Variants in SPOCK3 observed in about 807,000 individuals in gnomAD.
SPOCK3 encodes the protein testican-3.
A neutral mutation model predicts 56.6 loss-of-function variants in SPOCK3; 30 were observed. That is an observed-to-expected ratio of 0.53 (90% CI 0.40 to 0.72). The LOEUF is 0.72. SPOCK3 is among the 30% of genes least tolerant of loss of function. SPOCK3 has a pLI of 0.00. For missense variants in SPOCK3, 527 were observed against 530.0 expected, an observed-to-expected ratio of 0.99 and a Z score of 0.06; for synonymous variants, 196 against 183.3, an observed-to-expected ratio of 1.07 and a Z score of -0.56.
chr4:166,978,551 AAATT>A (rs1189359240), intron 4 of SPOCK3, among the ~76,000 whole-genome samples: 1 of 152,196 alleles, frequency 6.6e-6, no homozygotes, highest in East Asian at 1.9e-4. Flanking sequence ...AAAAGGAAGG[AAATT>A]AACATTTATT....
At chr4:166,879,336 C>G (rs987508073) in intron 6 of SPOCK3, among the ~76,000 whole-genome samples, 1 of 151,964 alleles carries the variant, frequency 6.6e-6, no homozygotes, top group Non-Finnish European at 1.5e-5. Flanking sequence ...AGAAACCAGC[C>G]TGAGCAACAT....
At chr4:167,058,224 A>C (rs892441130) in intron 3 of SPOCK3, among the ~76,000 whole-genome samples, 1 of 152,210 alleles carries the variant, frequency 6.6e-6, no homozygotes, top group Non-Finnish European at 1.5e-5. Flanking sequence ...CTGTTTGCAG[A>C]TGACATGATT....
chr4:166,952,283 C>A (rs1467323796), intron 4 of SPOCK3, among the ~76,000 whole-genome samples: 1 of 152,084 alleles, frequency 6.6e-6, no homozygotes, highest in Non-Finnish European at 1.5e-5. Context: ...TTCTTATACA[C>A]CAATAACAGA....
intron 4 of SPOCK3, among the ~76,000 whole-genome samples, chr4:166,925,050 GATAT>G (rs1054973340): frequency 2.6e-5 from 4 of 152,068 alleles, no homozygotes; most frequent in Admixed American, 6.6e-5. Context: ...AATGTCAGTG[GATAT>G]ATAGAGAGAT....
intron 6 of SPOCK3, among the ~76,000 whole-genome samples, chr4:166,799,476 G>C (rs75253558): frequency 6.6e-6 from 1 of 152,126 alleles, no homozygotes; most frequent in South Asian, 2.1e-4. Flanking sequence ...AAGATACTGA[G>C]GCTACTCTGG....
At chr4:166,896,640 C>T (rs1735416390) in intron 5 of SPOCK3, among the ~76,000 whole-genome samples, 1 of 152,154 alleles carries the variant, frequency 6.6e-6, no homozygotes, top group Non-Finnish European at 1.5e-5. Context: ...GAAGACTGCA[C>T]ATGAGACTGC....
At chr4:166,921,323 A>ATTTTTTTT (rs746455090) in intron 4 of SPOCK3, among the ~76,000 whole-genome samples, 1 of 138,228 alleles carries the variant, frequency 7.2e-6, no homozygotes, top group Non-Finnish European at 1.6e-5. Flanking sequence ...CATGTGTTGA[A>ATTTTTTTT]TTTTTTTTTT....
At chr4:167,109,065 T>TATACTTATATAAAAATATATATAAA (rs1328710834) in intron 2 of SPOCK3, among the ~76,000 whole-genome samples, 1,332 of 1,796 alleles carry the variant, frequency 0.74, 546 homozygotes, top group Middle Eastern at 1. Flanking sequence ...TATATAAATA[T>TATACTTATATAAAAATATATATAAA]TATATATTTA....
At chr4:166,886,421 A>C (rs1734206893) in intron 6 of SPOCK3, among the ~76,000 whole-genome samples, 2 of 152,142 alleles carry the variant, frequency 1.3e-5, no homozygotes, top group Admixed American at 1.3e-4. Context: ...GTGTATGCTT[A>C]TCTACTTATG....
chr4:167,066,502 G>T (rs1052221691), intron 2 of SPOCK3, among the ~76,000 whole-genome samples: 5 of 151,814 alleles, frequency 3.3e-5, no homozygotes, highest in Non-Finnish European at 5.9e-5. Flanking sequence ...ACAAAGTACT[G>T]CTACTAGTAA....
chr4:166,955,952 T>C (rs1743411170), intron 4 of SPOCK3, among the ~76,000 whole-genome samples: 1 of 152,052 alleles, frequency 6.6e-6, no homozygotes, highest in Admixed American at 6.6e-5. Context: ...CAGTCCTCTA[T>C]AGACCCCATA....
chr4:166,872,908 A>G (rs1732632458), intron 6 of SPOCK3, among the ~76,000 whole-genome samples: 1 of 152,142 alleles, frequency 6.6e-6, no homozygotes, highest in African/African-American at 2.4e-5. Context: ...GGAAGGTGGC[A>G]TGTGTAAAGC....
At chr4:167,158,226 A>G (rs1764978272) in intron 2 of SPOCK3, among the ~76,000 whole-genome samples, 1 of 152,020 alleles carries the variant, frequency 6.6e-6, no homozygotes, top group Non-Finnish European at 1.5e-5. Flanking sequence ...TTTAAAAAAT[A>G]TAGAAATAGG....
upstream of SPOCK3, chr4:167,234,551 A>C (rs1029362478): frequency 3.8e-6 from 1 of 263,844 alleles, no homozygotes; most frequent in East Asian, 7.7e-5. Flanking sequence ...CGCCGTCTCG[A>C]GCCGTCCACT....
rs188477086 is a variant in SPOCK3 at position 166,894,071 on chromosome 4, T to C, written c.475-4827A>G. On this transcript the variant is annotated intron_variant, in intron 5 of 10. Coordinates refer to ENST00000357545, the MANE Select transcript of SPOCK3 (RefSeq NM_001040159.2). ...ACATACACACACAGGAAGTTAAACA[T>C]AGTAACAACATTAAAAACCCTCTGC... is the stretch of plus-strand genomic sequence containing the variant. Among the ~76,000 whole-genome samples the C allele has an allele frequency of 2.0e-5, 3 of 152,208 alleles. No homozygotes were observed. In the East Asian group the frequency reaches 5.8e-4, roughly 29 times the overall value.
chr4:166,879,629 T>C (rs956036061), intron 6 of SPOCK3, among the ~76,000 whole-genome samples: 1 of 152,198 alleles, frequency 6.6e-6, no homozygotes, highest in Admixed American at 6.5e-5. Context: ...TTCCCTCATA[T>C]TTTACATTTG....
chr4:167,061,508 A>G (rs1052990435), intron 3 of SPOCK3, among the ~76,000 whole-genome samples: 2 of 152,060 alleles, frequency 1.3e-5, no homozygotes, highest in Admixed American at 1.3e-4. Context: ...GTTAATACCA[A>G]TGTTGATGAT....
intron 7 of SPOCK3, among the ~76,000 whole-genome samples, chr4:166,766,148 C>G (rs1738008619): frequency 6.6e-6 from 1 of 152,280 alleles, no homozygotes; most frequent in East Asian, 1.9e-4. Context: ...GACAATTTGA[C>G]TTCCTATTTT....
At chr4:167,130,997 G>A (rs2079057669) in intron 2 of SPOCK3, among the ~76,000 whole-genome samples, 1 of 151,926 alleles carries the variant, frequency 6.6e-6, no homozygotes, top group Non-Finnish European at 1.5e-5. Flanking sequence ...CAAGACTCTA[G>A]ACCAAATGGT....
Sources: allele counts gnomAD v4.1 joint callset (sites outside exome capture counted in the v4.1 genomes callset), GRCh38; gene constraint gnomAD v4.1.1; transcripts MANE v1.5; gene names NCBI Gene and HGNC (gene_info 2026-07-23, HGNC 2026-07-21).